Variants in SCHIP1 observed in about 807,000 individuals in gnomAD.
SCHIP1 encodes schwannomin interacting protein 1.
In SCHIP1, 8 loss-of-function variants were observed where a neutral mutation model predicts 29.7. That is an observed-to-expected ratio of 0.27 (90% CI 0.16 to 0.49). The LOEUF (loss-of-function observed/expected upper bound fraction) is 0.49. Among genes scored for constraint, SCHIP1 ranks in the 20% least tolerant of loss-of-function variants. SCHIP1 has a pLI of 0.99. For missense variants in SCHIP1, 193 were observed against 294.6 expected, an observed-to-expected ratio of 0.66 and a Z score of 2.52; for synonymous variants, 76 against 94.9, an observed-to-expected ratio of 0.80 and a Z score of 1.16.
chr3:159,419,931 T>G, the SCHIP1 span, among the ~76,000 whole-genome samples: 1 of 152,248 alleles, frequency 6.6e-6, no homozygotes, highest in Non-Finnish European at 1.5e-5. Context: ...AAACTTTCTG[T>G]GTCTCACTCC....
At chr3:159,623,581 G>A in the SCHIP1 span, among the ~76,000 whole-genome samples, 8 of 152,120 alleles carry the variant, frequency 5.3e-5, no homozygotes, top group East Asian at 1.9e-4. Flanking sequence ...AGCTGAGATC[G>A]TGCCACTGCA....
chr3:159,810,403 A>G, the SCHIP1 span, among the ~76,000 whole-genome samples: 2 of 152,206 alleles, frequency 1.3e-5, no homozygotes, highest in Middle Eastern at 3.2e-3. Flanking sequence ...TTGTTCAAAC[A>G]TCCCCACAAC....
chr3:159,729,981 T>C, the SCHIP1 span, among the ~76,000 whole-genome samples: 5 of 152,298 alleles, frequency 3.3e-5, no homozygotes, highest in South Asian at 2.1e-4. Flanking sequence ...ATCCAAGATA[T>C]GTTGTTAAAT....
At chr3:159,883,667 T>C (rs1716671174) in intron 2 of SCHIP1, among the ~76,000 whole-genome samples, 3 of 152,236 alleles carry the variant, frequency 2.0e-5, no homozygotes, top group African/African-American at 7.2e-5. Context: ...TTAGCTGTTA[T>C]GTCATATAAT....
the SCHIP1 span, among the ~76,000 whole-genome samples, chr3:159,461,341 C>T: frequency 2.6e-5 from 4 of 152,092 alleles, no homozygotes; most frequent in South Asian, 4.2e-4. Flanking sequence ...CCAACATTAC[C>T]TCTTCCACCT....
chr3:159,828,443 A>ATACG, the SCHIP1 span, among the ~76,000 whole-genome samples: 7 of 100,490 alleles, frequency 7.0e-5, no homozygotes, highest in East Asian at 1.5e-3. Context: ...ATATATACGT[A>ATACG]TATATATACG....
chr3:159,879,793 C>T (rs150671081), intron 2 of SCHIP1, among the ~76,000 whole-genome samples: 1 of 152,242 alleles, frequency 6.6e-6, no homozygotes, highest in East Asian at 1.9e-4. Flanking sequence ...CTGAGGAATG[C>T]AAGTATTTAT....
chr3:159,714,650 G>A, the SCHIP1 span, among the ~76,000 whole-genome samples: 1 of 152,100 alleles, frequency 6.6e-6, no homozygotes, highest in East Asian at 1.9e-4. Flanking sequence ...CTCACTGCTA[G>A]CACAGCAGTC....
the SCHIP1 span, among the ~76,000 whole-genome samples, chr3:159,602,172 T>C: frequency 6.6e-6 from 1 of 152,184 alleles, no homozygotes; most frequent in East Asian, 1.9e-4. Context: ...TTCTTTCCCC[T>C]CAATACCACG....
At chr3:159,869,213 G>A (rs149881001) in intron 2 of SCHIP1, among the ~76,000 whole-genome samples, 523 of 151,932 alleles carry the variant, frequency 3.4e-3, no homozygotes, top group Admixed American at 5.5e-3. Context: ...TTTAATATGT[G>A]TTTTATGACC....
the SCHIP1 span, among the ~76,000 whole-genome samples, chr3:159,654,999 G>A: frequency 6.6e-6 from 1 of 152,010 alleles, no homozygotes; most frequent in Non-Finnish European, 1.5e-5. Flanking sequence ...CATAAAGCAG[G>A]AAGGCTGTGC....
At chr3:159,750,082 C>A in the SCHIP1 span, among the ~76,000 whole-genome samples, 66 of 151,914 alleles carry the variant, frequency 4.3e-4, 1 homozygote, top group African/African-American at 1.5e-3. Context: ...TTTATCAGAT[C>A]ATTGGGGCAT....
intron 1 of SCHIP1, among the ~76,000 whole-genome samples, chr3:159,842,210 A>G (rs550634370): frequency 3.1e-4 from 47 of 152,214 alleles, no homozygotes; most frequent in Non-Finnish European, 5.9e-4. Context: ...TAGCATTTTT[A>G]GTCAGTTGAT....
At chr3:159,313,247 C>T in the SCHIP1 span, among the ~76,000 whole-genome samples, 4 of 152,264 alleles carry the variant, frequency 2.6e-5, no homozygotes, top group East Asian at 5.8e-4. Context: ...GCAAGATACG[C>T]AGGAAAGAAA....
At chr3:159,614,669 AG>A in the SCHIP1 span, among the ~76,000 whole-genome samples, 2 of 152,222 alleles carry the variant, frequency 1.3e-5, no homozygotes, top group African/African-American at 4.8e-5. Flanking sequence ...ATGTTCAGAA[AG>A]GCAATTGCGT....
At chr3:159,495,009 A>T in the SCHIP1 span, among the ~76,000 whole-genome samples, 1 of 152,242 alleles carries the variant, frequency 6.6e-6, no homozygotes, top group Non-Finnish European at 1.5e-5. Context: ...CAAAAACCAC[A>T]TGATTATCTC....
the SCHIP1 span, among the ~76,000 whole-genome samples, chr3:159,550,520 G>A: frequency 6.6e-6 from 1 of 152,016 alleles, no homozygotes; most frequent in South Asian, 2.1e-4. Flanking sequence ...CAGTATTGTC[G>A]AGTAGCCCAG....
chr3:159,684,717 T>C, the SCHIP1 span, among the ~76,000 whole-genome samples: 593 of 151,414 alleles, frequency 3.9e-3, 1 homozygote, highest in African/African-American at 0.014. Context: ...GGCAGGAGAA[T>C]TGCTTGAACC....
chr3:159,517,266 A>T, the SCHIP1 span, among the ~76,000 whole-genome samples: 1 of 152,214 alleles, frequency 6.6e-6, no homozygotes. Context: ...TTTGTCAGAC[A>T]AAAGTTTGGT....
Sources: allele counts gnomAD v4.1 joint callset (sites outside exome capture counted in the v4.1 genomes callset), GRCh38; gene constraint gnomAD v4.1.1; transcripts MANE v1.5; gene names NCBI Gene and HGNC (gene_info 2026-07-23, HGNC 2026-07-21).